RYR3: variants seen among roughly 807,000 people sequenced by gnomAD.
RYR3 encodes ryanodine receptor 3.
In RYR3, 207 loss-of-function variants were observed where a neutral mutation model predicts 584.3. That is an observed-to-expected ratio of 0.35 (90% CI 0.32 to 0.40). The LOEUF (loss-of-function observed/expected upper bound fraction) is 0.40, where lower values mean the gene tolerates loss of function less well. Among genes scored for constraint, RYR3 ranks in the 10% least tolerant of loss-of-function variants. The pLI, the probability that RYR3 is intolerant of heterozygous loss-of-function variation, is 1.00. For synonymous variants in RYR3, 2,416 were observed against 2,248.5 expected (o/e 1.07, Z -2.11); for missense variants, 5,616 against 6,089.2 (o/e 0.92, Z 2.59).
chr15:33,510,288 C>A (rs1310180529), intron 3 of RYR3, among the ~76,000 whole-genome samples: 1 of 152,178 alleles, frequency 6.6e-6, no homozygotes, highest in Non-Finnish European at 1.5e-5. Flanking sequence ...CCCACCTCTA[C>A]ATGACATCAC....
chr15:33,604,292 C>T (rs986957733), intron 18 of RYR3, among the ~76,000 whole-genome samples: 1 of 152,224 alleles, frequency 6.6e-6, no homozygotes, highest in South Asian at 2.1e-4. Context: ...TAACTGGTAG[C>T]TACATAACTT....
At chr15:33,376,254 A>G (rs1051833901) in intron 1 of RYR3, among the ~76,000 whole-genome samples, 1 of 152,012 alleles carries the variant, frequency 6.6e-6, no homozygotes, top group African/African-American at 2.4e-5. Context: ...CTTTCCCTCA[A>G]CCTAATGATT....
chr15:33,615,652 A>G (rs954114919), intron 19 of RYR3, among the ~76,000 whole-genome samples: 2 of 152,200 alleles, frequency 1.3e-5, no homozygotes, highest in African/African-American at 4.8e-5. Context: ...ATCTTACGCT[A>G]TCTGCAGGCA....
At chr15:33,484,549 A>T (rs2050249836) in intron 2 of RYR3, among the ~76,000 whole-genome samples, 1 of 152,208 alleles carries the variant, frequency 6.6e-6, no homozygotes, top group South Asian at 2.1e-4. Context: ...CTGAAGGAAA[A>T]CATAGACTTG....
At chr15:33,447,560 G>C (rs1282746141) in intron 1 of RYR3, among the ~76,000 whole-genome samples, 2 of 152,334 alleles carry the variant, frequency 1.3e-5, no homozygotes, top group African/African-American at 4.8e-5. Context: ...CCTCTGGGAA[G>C]GACATGAGAC....
At chr15:33,421,900 G>A (rs920662895) in intron 1 of RYR3, among the ~76,000 whole-genome samples, 2 of 152,204 alleles carry the variant, frequency 1.3e-5, no homozygotes, top group Non-Finnish European at 2.9e-5. Flanking sequence ...CCCATAAAAT[G>A]TGGAAGACCT....
At chr15:33,737,194 A>G (rs2069559803) in intron 49 of RYR3, among the ~76,000 whole-genome samples, 1 of 152,204 alleles carries the variant, frequency 6.6e-6, no homozygotes, top group South Asian at 2.1e-4. Context: ...CCCGAGTTCA[A>G]GCAACCCTCC....
chr15:33,663,504 C>T, intron 35 of RYR3, 33 bp from the exon 36 acceptor site: 1 of 1,583,902 alleles, frequency 6.3e-7, no homozygotes, highest in Non-Finnish European at 8.6e-7. Flanking sequence ...CCAAAGTACA[C>T]AAAGTGTTAT....
intron 2 of RYR3, among the ~76,000 whole-genome samples, chr15:33,500,311 C>T (rs1409269085): frequency 3.3e-5 from 5 of 152,202 alleles, no homozygotes; most frequent in East Asian, 1.9e-4. Context: ...TAGCACAGTG[C>T]GAAGTGAATG....
intron 2 of RYR3, among the ~76,000 whole-genome samples, chr15:33,499,090 C>A (rs1421370812): frequency 6.6e-6 from 1 of 152,088 alleles, no homozygotes; most frequent in Non-Finnish European, 1.5e-5. Context: ...GAAGCCCAAA[C>A]TCCTCCTTGG....
chr15:33,652,967 T>G (rs888155307), intron 32 of RYR3, 84 bp downstream of exon 32: 2 of 1,384,898 alleles, frequency 1.4e-6, no homozygotes, highest in Non-Finnish European at 1.9e-6. Flanking sequence ...TACTCAGCAT[T>G]CCTGCCACAG....
chr15:33,811,321 C>A (rs1346760732), intron 72 of RYR3, among the ~76,000 whole-genome samples: 1 of 151,900 alleles, frequency 6.6e-6, no homozygotes, highest in Non-Finnish European at 1.5e-5. Context: ...CTGGCTAACA[C>A]GGTGAAACCC....
intron 1 of RYR3, among the ~76,000 whole-genome samples, chr15:33,460,821 T>A (rs1218467303): frequency 6.6e-6 from 1 of 151,940 alleles, no homozygotes; most frequent in Non-Finnish European, 1.5e-5. Context: ...TCTTGGTAAG[T>A]TTGTTTCCTG....
chr15:33,815,090 TCA>T (rs1340232591), intron 74 of RYR3, among the ~76,000 whole-genome samples: 1 of 143,926 alleles, frequency 6.9e-6, no homozygotes, highest in Admixed American at 6.9e-5. Context: ...AAAAAAGGAA[TCA>T]CAGTCTCTGA....
chr15:33,596,936 A>G (rs574445718), intron 16 of RYR3, among the ~76,000 whole-genome samples: 1 of 151,984 alleles, frequency 6.6e-6, no homozygotes, highest in Non-Finnish European at 1.5e-5. Flanking sequence ...ACTAACTTTG[A>G]GAGGAACATA....
chr15:33,773,806 T>C (rs1443180102), intron 64 of RYR3, among the ~76,000 whole-genome samples, 191 bp downstream of exon 64: 1 of 152,220 alleles, frequency 6.6e-6, no homozygotes, highest in Non-Finnish European at 1.5e-5. Context: ...GCTATTGAGA[T>C]TTATGACTCC....
chr15:33,660,262 A>T lies in RYR3; in HGVS notation c.4461A>T (p.Pro1487=). The change falls in exon 34 of 104, where the codon CCA becomes CCT. Residue 1487 remains proline (P), a synonymous_variant. Transcript: ENST00000634891. ...SEEKNPVPQC[P]PRLDVQTIQP... The stretch of plus-strand genomic sequence containing the variant: ...AGAAGAACCCAGTCCCACAGTGTCC[A>T]CCTCGGCTGGACGTCCAAACCATCC... 2.6e-6 allele frequency: 4 copies of T among 1,555,486 alleles called. No homozygotes were observed. The highest frequency in any genetic ancestry group is 2.6e-6 in the Non-Finnish European group (3 of 1,149,382).
At chr15:33,379,687 C>CTCTCTCTCTCTCTCTCTCTCTA in intron 1 of RYR3, among the ~76,000 whole-genome samples, 7 of 125,522 alleles carry the variant, frequency 5.6e-5, no homozygotes, top group African/African-American at 1.8e-4. Context: ...CTCTCTCTCT[C>CTCTCTCTCTCTCTCTCTCTCTA]TATATATATA....
intron 103 of RYR3, chr15:33,864,862 T>TTTAGTGGCAAACA (rs1293620186): frequency 4.9e-6 from 2 of 407,684 alleles, no homozygotes; most frequent in Admixed American, 4.1e-5. Flanking sequence ...TTTAAGTATG[T>TTTAGTGGCAAACA]TTAGTGGCAA....
Sources: gnomAD v4.1 joint callset for allele counts (sites outside exome capture counted in the v4.1 genomes callset) on GRCh38, gnomAD v4.1.1 for gene constraint, MANE v1.5 for transcripts, NCBI Gene and HGNC (gene_info 2026-07-23, HGNC 2026-07-21) for gene names.